The following FHAD1 variants were observed in gnomAD, a reference collection of about 807,000 sequenced individuals.
FHAD1 encodes the protein forkhead-associated domain-containing protein 1.
FHAD1 carries 146 observed loss-of-function variants against 191.3 expected under a neutral mutation model. That is an observed-to-expected ratio of 0.76 (90% confidence interval 0.67 to 0.88). FHAD1 has a LOEUF of 0.88. Ranked by LOEUF, FHAD1 falls within the 40% of genes least tolerant of loss-of-function variation. The pLI, the probability that FHAD1 is intolerant of heterozygous loss-of-function variation, is 0.00. For missense variants in FHAD1, 1,635 were observed against 1,785.8 expected (o/e 0.92, Z 1.52); for synonymous variants, 616 against 672.3 (o/e 0.92, Z 1.29).
intron 4 of FHAD1, among the ~76,000 whole-genome samples, chr1:15,295,646 T>C (rs1309862749): frequency 1.3e-5 from 2 of 152,082 alleles, no homozygotes; most frequent in Non-Finnish European, 2.9e-5. Flanking sequence ...TATATATATA[T>C]ATACACACAT....
intron 28 of FHAD1, among the ~76,000 whole-genome samples, chr1:15,376,088 TATTTTTTTATTTA>T (rs1558271500): frequency 1.6e-5 from 2 of 122,270 alleles, no homozygotes; most frequent in African/African-American, 7.8e-5. Flanking sequence ...TTTTTTTATT[TATTTTTTTATTTA>T]TTTTTTGAGA....
In FHAD1 at chr1:15,358,165, C is replaced by G. The variant is rs189802196; in HGVS notation, c.2618C>G (p.Ala873Gly). 1,253 of 1,530,386 alleles carry G rather than the reference C, an allele frequency of 8.2e-4. 2 individuals carry two copies. The highest frequency in any genetic ancestry group is 9.1e-4 in the Non-Finnish European group (1,042 of 1,142,246). The allele number at this position is 1,530,386 out of a possible 1,614,324, so 94.8% of individuals were successfully genotyped here. ...GTTTTAAATAATAAATTAAGTGACG[C>G]ACTGGCCATGGTTGAAGAGACTCAG... is the stretch of plus-strand genomic sequence containing the variant. ...EDVLNNKLSD[A>G]LAMVEETQKT... Residue 873 changes from alanine to glycine, a missense_variant, in exon 21 of 34, where the codon GCA (alanine) becomes GGA (glycine). By Grantham distance (60) the Ala-to-Gly change is moderately conservative. Coordinates refer to ENST00000688493, the MANE Select transcript of FHAD1 (RefSeq NM_001391957.1).
chr1:15,349,015 C>T, intron 18 of FHAD1, 27 bp from the exon 19 acceptor site: 1 of 1,466,870 alleles, frequency 6.8e-7, no homozygotes, highest in Non-Finnish European at 9.3e-7. Flanking sequence ...GTGCAGGCCA[C>T]CAAGAGCACT....
At chr1:15,324,814 C>T (rs1011686937) in intron 11 of FHAD1, 4 of 497,372 alleles carry the variant, frequency 8.0e-6, no homozygotes, top group East Asian at 3.4e-5. Flanking sequence ...CAGCCAATCC[C>T]GGCTCGATGC....
chr1:15,339,048 G>A (rs1024996093), intron 14 of FHAD1, among the ~76,000 whole-genome samples: 19 of 152,060 alleles, frequency 1.2e-4, no homozygotes, highest in Non-Finnish European at 1.9e-4. Context: ...ACTGAGTCTC[G>A]CTCTGTCACC....
chr1:15,270,951 A>T (rs1655637769), intron 2 of FHAD1, among the ~76,000 whole-genome samples: 1 of 151,974 alleles, frequency 6.6e-6, no homozygotes, highest in African/African-American at 2.4e-5. Context: ...CATCCTGGCT[A>T]ACATGGTGAA....
Position 15,301,141 on chromosome 1 carries a change from T to G in FHAD1, c.679-64T>G, listed in dbSNP as rs1175061124. 7 of 1,448,986 alleles carry G rather than the reference T, an allele frequency of 4.8e-6. No homozygotes were observed. The Admixed American group carries it at 6.6e-5, about 14-fold the overall frequency. The allele number at this position is 1,448,986 out of a possible 1,614,324, so 89.8% of individuals were successfully genotyped here. A position where few individuals can be genotyped will look rare whatever the true frequency, so the allele number is the denominator to read the frequency against. ...CACCGCACCCGGCCCCTACTTTTTT[T>G]TAATGGGCTCAGCCTCACACCTAGG... On this transcript the variant is annotated intron_variant, in intron 5 of 33. Coordinates refer to ENST00000688493, the MANE Select transcript of FHAD1 (RefSeq NM_001391957.1).
chr1:15,352,595 C>G (rs1474724379), intron 19 of FHAD1, among the ~76,000 whole-genome samples: 2 of 152,162 alleles, frequency 1.3e-5, no homozygotes, highest in African/African-American at 4.8e-5. Flanking sequence ...CACCAGGACC[C>G]AACCATTCAC....
Position 15,313,046 on chromosome 1 carries a change from C to T in FHAD1, c.1040-11C>T. On this transcript the variant is annotated splice_polypyrimidine_tract_variant and intron_variant, in intron 7 of 33. Coordinates refer to ENST00000688493, the MANE Select transcript of FHAD1 (RefSeq NM_001391957.1). ...TGCCTCTTTGACCTCTGCGAGTCTT[C>T]TTTTTTACAGGGATGGTGTCATCTT... 6.4e-7 allele frequency: 1 copy of T among 1,551,472 alleles called. No homozygotes were observed. Among genetic ancestry groups the T allele is most frequent in the Middle Eastern group, 1.7e-4 (1 of 5,992 alleles).
At chr1:15,326,424 C>A (rs1678609287) in intron 11 of FHAD1, 2 of 152,164 alleles carry the variant, frequency 1.3e-5, no homozygotes, top group African/African-American at 4.8e-5. Context: ...CACTAGCACC[C>A]AGGAGGGGCT....
At chr1:15,346,131 C>T (rs1262321605) in intron 18 of FHAD1, among the ~76,000 whole-genome samples, 3 of 152,152 alleles carry the variant, frequency 2.0e-5, no homozygotes, top group African/African-American at 7.2e-5. Context: ...TGTGTCTGCT[C>T]CTCCCCGGGC....
intron 4 of FHAD1, among the ~76,000 whole-genome samples, chr1:15,293,542 AC>A (rs1047435964): frequency 6.6e-6 from 1 of 151,998 alleles, no homozygotes; most frequent in Non-Finnish European, 1.5e-5. Flanking sequence ...ACATGGTGAA[AC>A]CCCATCTCTA....
intron 26 of FHAD1, among the ~76,000 whole-genome samples, chr1:15,373,502 A>C (rs998862902): frequency 7.2e-6 from 1 of 138,710 alleles, no homozygotes; most frequent in Non-Finnish European, 1.5e-5. Flanking sequence ...ACAGAGCAAG[A>C]CTCCGTCAAA....
At chr1:15,269,207 A>G (rs1654860639) in intron 2 of FHAD1, among the ~76,000 whole-genome samples, 4 of 152,040 alleles carry the variant, frequency 2.6e-5, no homozygotes, top group Admixed American at 2.6e-4. Flanking sequence ...TGTCTATGTT[A>G]GGCTTATACT....
At chr1:15,389,971 T>C (rs1388535835) in intron 32 of FHAD1, among the ~76,000 whole-genome samples, 3 of 152,200 alleles carry the variant, frequency 2.0e-5, no homozygotes, top group Non-Finnish European at 4.4e-5. Flanking sequence ...GAGCACCAGC[T>C]AGATGCCAGG....
chr1:15,392,590 C>G (rs948587114), intron 33 of FHAD1, among the ~76,000 whole-genome samples: 1 of 152,088 alleles, frequency 6.6e-6, no homozygotes, highest in Non-Finnish European at 1.5e-5. Flanking sequence ...TCTCCGTCCT[C>G]TATAGTGTGC....
chr1:15,317,466 T>C (rs1019755063), intron 9 of FHAD1, among the ~76,000 whole-genome samples: 1 of 152,232 alleles, frequency 6.6e-6, no homozygotes, highest in African/African-American at 2.4e-5. Context: ...AGACCTTGCC[T>C]GTTGAGTCTT....
At chr1:15,314,607 G>GGTGTGGA (rs2101238442) in intron 8 of FHAD1, 1 of 108,634 alleles carries the variant, frequency 9.2e-6, no homozygotes, top group Admixed American at 1.1e-4. Flanking sequence ...AGGTGTGTGG[G>GGTGTGGA]TATGTGGGTG....
intron 16 of FHAD1, chr1:15,343,802 A>G (rs887339321): frequency 1.3e-5 from 2 of 151,768 alleles, no homozygotes; most frequent in Admixed American, 6.6e-5. Context: ...TCTTCGCAGA[A>G]CTCTCCACCG....
Sources: gnomAD v4.1 joint callset for allele counts (sites outside exome capture counted in the v4.1 genomes callset) on GRCh38, gnomAD v4.1.1 for gene constraint, MANE v1.5 for transcripts, NCBI Gene and HGNC (gene_info 2026-07-23, HGNC 2026-07-21) for gene names.